The following KSR1 variants were observed in gnomAD, a reference collection of about 807,000 sequenced individuals.
KSR1 encodes the protein kinase suppressor of ras 1.
KSR1 carries 35 observed loss-of-function variants against 92.9 expected under a neutral mutation model. That is an observed-to-expected ratio of 0.38 (90% CI 0.29 to 0.50). The LOEUF (loss-of-function observed/expected upper bound fraction) is 0.50, where lower values mean the gene tolerates loss of function less well. Among genes scored for constraint, KSR1 ranks in the 20% least tolerant of loss-of-function variants. The probability of loss-of-function intolerance (pLI) is 0.94; values close to 1 mark genes in which losing one functional copy is unlikely to be tolerated. For synonymous variants in KSR1, 467 were observed against 472.6 expected, an observed-to-expected ratio of 0.99 and a Z score of 0.15; for missense variants, 972 against 1,158.5, an observed-to-expected ratio of 0.84 and a Z score of 2.34.
At chr17:27,597,906 G>A (rs1278282029) in intron 10 of KSR1, among the ~76,000 whole-genome samples, 1 of 152,124 alleles carries the variant, frequency 6.6e-6, no homozygotes, top group South Asian at 2.1e-4. Context: ...GAGACCTCTC[G>A]TTCCCTTTAT....
At chr17:27,563,981 C>CTTGTTTTTTTTTTTTTTTTTTTTTTT (rs2071944191) in intron 2 of KSR1, among the ~76,000 whole-genome samples, 1 of 46,874 alleles carries the variant, frequency 2.1e-5, no homozygotes. Flanking sequence ...TATTCGGTAG[C>CTTGTTTTTTTTTTTTTTTTTTTTTTT]TTTTTTTTTT....
intron 1 of KSR1, among the ~76,000 whole-genome samples, chr17:27,491,299 TTAGTGGTGTGTG>T (rs1341513930): frequency 1.5e-5 from 2 of 132,684 alleles, no homozygotes; most frequent in African/African-American, 5.6e-5. Context: ...TAATTTTTTG[TTAGTGGTGTGTG>T]TGTGTGTGTG....
chr17:27,537,408 C>A (rs1905915066), intron 1 of KSR1, among the ~76,000 whole-genome samples: 1 of 152,176 alleles, frequency 6.6e-6, no homozygotes, highest in Non-Finnish European at 1.5e-5. Flanking sequence ...ATAATAGTAC[C>A]TGGCTGGACG....
intron 1 of KSR1, among the ~76,000 whole-genome samples, chr17:27,470,223 G>C (rs181386024): frequency 6.9e-6 from 1 of 144,340 alleles, no homozygotes; most frequent in East Asian, 2.1e-4. Flanking sequence ...GCCCAGCTAA[G>C]TTTTGTTTTT....
intron 16 of KSR1, 53 bp from the exon 17 acceptor site, chr17:27,610,014 C>G: frequency 6.2e-7 from 1 of 1,605,868 alleles, no homozygotes; most frequent in Non-Finnish European, 8.5e-7. Flanking sequence ...AGGCAGGCCT[C>G]TTTGCTGCCT....
rs753361620 is a variant in KSR1, at chr17:27,582,967, C to G, written c.842C>G (p.Thr281Ser). 9 of 1,607,526 alleles carry G rather than the reference C, an allele frequency of 5.6e-6. No homozygotes were observed. The highest frequency in any genetic ancestry group is 1.6e-4 in the Middle Eastern group (1 of 6,066). Residue 281 changes from threonine to serine, a missense_variant, in exon 4 of 21, where the codon ACC becomes AGC. Thr to Ser is a moderately conservative substitution (Grantham distance 58, BLOSUM62 1). Around this residue, in one of 5 missense-constraint regions of KSR1, gnomAD observed 611 missense variants for 668.0 expected, o/e 0.91. Transcript: ENST00000644974. ...PPTTPQLRRH[T>S]KLKPPRTPPP... ...ACCACACCCCAGCTGCGACGGCACA[C>G]CAAGCTGAAGCCACCACGGACGCCC... is the stretch of plus-strand genomic sequence containing the variant.
chr17:27,495,928 T>C (rs984195239), intron 1 of KSR1, among the ~76,000 whole-genome samples: 2 of 152,220 alleles, frequency 1.3e-5, no homozygotes, highest in African/African-American at 4.8e-5. Context: ...GGAAAGTGCT[T>C]CCTTCCAAGA....
chr17:27,617,537 T>G (rs566074543), intron 19 of KSR1, 109 bp downstream of exon 19: 4 of 1,261,512 alleles, frequency 3.2e-6, no homozygotes, highest in Admixed American at 2.4e-5. Flanking sequence ...TTTTTTGGGG[T>G]TTTTTTTGAG....
At chr17:27,565,301 C>T (rs945914501) in intron 2 of KSR1, among the ~76,000 whole-genome samples, 1 of 152,216 alleles carries the variant, frequency 6.6e-6, no homozygotes, top group African/African-American at 2.4e-5. Flanking sequence ...AGCAGGCACT[C>T]CCATTGTGCC....
intron 1 of KSR1, among the ~76,000 whole-genome samples, chr17:27,463,069 A>T (rs546920441): frequency 5.3e-4 from 81 of 152,362 alleles, no homozygotes; most frequent in African/African-American, 1.9e-3. Flanking sequence ...TTGCTGGGTC[A>T]AAGTATATGA....
At chr17:27,561,512 C>T (rs1276848603) in intron 2 of KSR1, among the ~76,000 whole-genome samples, 4 of 152,134 alleles carry the variant, frequency 2.6e-5, no homozygotes, top group Non-Finnish European at 5.9e-5. Flanking sequence ...AACTAGGGTG[C>T]GTAGCTGACT....
intron 1 of KSR1, among the ~76,000 whole-genome samples, chr17:27,469,616 T>A (rs1354087000): frequency 6.6e-6 from 1 of 152,214 alleles, no homozygotes; most frequent in Non-Finnish European, 1.5e-5. Context: ...AGTAGGTTAA[T>A]TTTGGATTCT....
chr17:27,526,983 C>T, intron 1 of KSR1: 1 of 558,676 alleles, frequency 1.8e-6, no homozygotes, highest in Non-Finnish European at 3.3e-6. Context: ...TGTTTTAGTC[C>T]AAGCCTTGAT....
intron 1 of KSR1, among the ~76,000 whole-genome samples, chr17:27,529,521 G>A (rs552924026): frequency 2.3e-4 from 35 of 152,318 alleles, no homozygotes; most frequent in African/African-American, 7.2e-4. Flanking sequence ...GGGCGATGCC[G>A]CTCCACGCTC....
intron 1 of KSR1, among the ~76,000 whole-genome samples, chr17:27,544,233 A>G (rs995154976): frequency 6.6e-6 from 1 of 152,306 alleles, no homozygotes; most frequent in Middle Eastern, 3.4e-3. Context: ...TTAGGGCTAG[A>G]GATGTCCTTC....
intron 1 of KSR1, among the ~76,000 whole-genome samples, chr17:27,461,084 G>T (rs1307039183): frequency 1.3e-5 from 2 of 152,004 alleles, no homozygotes; most frequent in Non-Finnish European, 2.9e-5. Context: ...TTTTGTTTTT[G>T]TTTTTGTTTT....
chr17:27,527,068 C>A, intron 1 of KSR1: 1 of 437,308 alleles, frequency 2.3e-6, no homozygotes, highest in Non-Finnish European at 4.4e-6. Flanking sequence ...CGTGGGTCAG[C>A]GCCTGCAGGT....
intron 1 of KSR1, among the ~76,000 whole-genome samples, chr17:27,542,050 A>T (rs1327786868): frequency 6.6e-6 from 1 of 152,178 alleles, no homozygotes; most frequent in Non-Finnish European, 1.5e-5. Context: ...ACATGATTGT[A>T]TTTTGTGGAG....
chr17:27,600,914 ATGAG>A (rs1470236139), intron 10 of KSR1, among the ~76,000 whole-genome samples: 2 of 152,202 alleles, frequency 1.3e-5, no homozygotes, highest in Non-Finnish European at 2.9e-5. Flanking sequence ...TCAGTCACCT[ATGAG>A]AGAGAGAGAA....
Sources: allele counts gnomAD v4.1 joint callset (sites outside exome capture counted in the v4.1 genomes callset), GRCh38; gene constraint gnomAD v4.1.1; regional missense constraint gnomAD v4.1.1; transcripts MANE v1.5; gene names NCBI Gene and HGNC (gene_info 2026-07-23, HGNC 2026-07-21).